Variants in MOV10L1 observed in about 807,000 individuals in gnomAD.
MOV10L1 encodes RNA helicase Mov10l1.
In MOV10L1, 110 loss-of-function variants were observed where a neutral mutation model predicts 143.8. The observed-to-expected ratio is 0.76, with a 90% CI of 0.66 to 0.90. The LOEUF (loss-of-function observed/expected upper bound fraction) is 0.90, where lower values mean the gene tolerates loss of function less well. Among genes scored for constraint, MOV10L1 ranks in the 40% least tolerant of loss-of-function variants. The probability of loss-of-function intolerance (pLI) is 0.00; values close to 1 mark genes in which losing one functional copy is unlikely to be tolerated. For missense variants in MOV10L1, 1,406 were observed against 1,526.8 expected (o/e 0.92, Z 1.32); for synonymous variants, 593 against 581.1 (o/e 1.02, Z -0.29).
At position 50,092,027 on chromosome 22, in the gene MOV10L1, G is replaced by A; in HGVS notation, c.124G>A (p.Gly42Ser). The change falls in exon 2 of 27, where the codon GGT (glycine) becomes AGT (serine). Residue 42 changes from glycine to serine, a missense_variant. Transcript: ENST00000262794. ...TGACACTAAGCTGAAAACTGTACGG[G>A]GTGTCGTGACAAGGTACTGCAGCGA... ...EGDTKLKTVR[G>S]VVTRYCSDYG... is the part of the protein sequence containing the mutation. 1 of 1,613,954 alleles carries A rather than the reference G, an allele frequency of 6.2e-7. No individual in the cohort carries two copies. The highest frequency in any genetic ancestry group is 8.5e-7 in the Non-Finnish European group (1 of 1,179,958).
At chr22:50,144,585 T>TG (rs2063085377) in intron 18 of MOV10L1, among the ~76,000 whole-genome samples, 1 of 140,268 alleles carries the variant, frequency 7.1e-6, no homozygotes, top group Non-Finnish European at 1.6e-5. Context: ...TTGTTTTGTT[T>TG]TGTTTTTTTT....
chr22:50,157,801 C>G (rs2063464742), intron 22 of MOV10L1, among the ~76,000 whole-genome samples: 1 of 151,352 alleles, frequency 6.6e-6, no homozygotes, highest in Admixed American at 6.6e-5. Flanking sequence ...TACCAGCCAG[C>G]CCTCCACTCC....
chr22:50,148,717 G>A (rs1243888223), intron 19 of MOV10L1, among the ~76,000 whole-genome samples: 3 of 150,258 alleles, frequency 2.0e-5, no homozygotes, highest in Admixed American at 6.6e-5. Flanking sequence ...AAGCTGGAGT[G>A]CAGTGGCGCG....
chr22:50,146,347 CGGA>C (rs1324384955), intron 19 of MOV10L1, among the ~76,000 whole-genome samples: 1 of 151,830 alleles, frequency 6.6e-6, no homozygotes, highest in Non-Finnish European at 1.5e-5. Flanking sequence ...GGGAGACAGG[CGGA>C]GGAGATGGAT....
intron 2 of MOV10L1, chr22:50,094,402 T>G (rs1365644663): frequency 6.8e-6 from 1 of 147,378 alleles, no homozygotes; most frequent in African/African-American, 2.6e-5. Flanking sequence ...GCTTTCAATT[T>G]TTTTTTTTTT....
intron 15 of MOV10L1, among the ~76,000 whole-genome samples, chr22:50,135,272 A>G (rs1182917847): frequency 2.0e-5 from 3 of 151,220 alleles, no homozygotes; most frequent in Non-Finnish European, 1.5e-5. Context: ...TCGGCCTCCC[A>G]AAGTGCTGGA....
chr22:50,118,330 G>A (rs2062239585), intron 9 of MOV10L1, among the ~76,000 whole-genome samples: 1 of 151,960 alleles, frequency 6.6e-6, no homozygotes, highest in African/African-American at 2.4e-5. Context: ...TCCCTGCCTC[G>A]TGTGGTTTGA....
At chr22:50,094,659 A>G (rs1410347153) in intron 2 of MOV10L1, 4 of 152,174 alleles carry the variant, frequency 2.6e-5, no homozygotes, top group African/African-American at 9.7e-5. Context: ...CGGCCTCCCA[A>G]AGTGCCGGGA....
chr22:50,108,449 A>G, intron 4 of MOV10L1: 3 of 752,562 alleles, frequency 4.0e-6, no homozygotes, highest in Non-Finnish European at 6.9e-6. Flanking sequence ...GCATACCTGA[A>G]TTCTAAGGTC....
intron 24 of MOV10L1, 100 bp from the exon 25 acceptor site, chr22:50,160,588 G>C: frequency 7.0e-7 from 1 of 1,423,452 alleles, no homozygotes. Flanking sequence ...AGGTCATTCT[G>C]CTATTTAACA....
At chr22:50,146,853 G>A in intron 19 of MOV10L1, 1 of 540,962 alleles carries the variant, frequency 1.8e-6, no homozygotes, top group South Asian at 2.0e-5. Context: ...GAGATTAGTA[G>A]AACGTGATTG....
chr22:50,098,067 C>T (rs2062634820), intron 2 of MOV10L1, among the ~76,000 whole-genome samples: 1 of 151,980 alleles, frequency 6.6e-6, no homozygotes, highest in South Asian at 2.1e-4. Flanking sequence ...GAACTCCTGA[C>T]CTCAAGTGAT....
chr22:50,146,644 C>G (rs185084022), intron 19 of MOV10L1, among the ~76,000 whole-genome samples: 1 of 152,004 alleles, frequency 6.6e-6, no homozygotes, highest in Admixed American at 6.5e-5. Context: ...TCACAGTGGT[C>G]GTGACCCTCC....
chr22:50,127,567 T>C (rs549455357), intron 12 of MOV10L1, among the ~76,000 whole-genome samples: 1 of 152,292 alleles, frequency 6.6e-6, no homozygotes, highest in African/African-American at 2.4e-5. Flanking sequence ...TCTGCTGGTG[T>C]CAGCCCTGAC....
intron 10 of MOV10L1, among the ~76,000 whole-genome samples, chr22:50,121,613 C>T (rs891148190): frequency 6.6e-5 from 10 of 152,324 alleles, no homozygotes; most frequent in Admixed American, 2.6e-4. Flanking sequence ...TGCCATGAGT[C>T]GCGAGCGCAG....
intron 20 of MOV10L1, among the ~76,000 whole-genome samples, chr22:50,150,347 C>T (rs141550141): frequency 1.8e-4 from 28 of 152,276 alleles, no homozygotes; most frequent in Non-Finnish European, 2.9e-4. Context: ...CGGCATAGGG[C>T]GGCCTGACCA....
chr22:50,096,699 T>A (rs1439203019), intron 2 of MOV10L1, among the ~76,000 whole-genome samples: 2 of 152,202 alleles, frequency 1.3e-5, no homozygotes, highest in Non-Finnish European at 2.9e-5. Context: ...TGAGGTAGTA[T>A]CTCACTGTGG....
intron 3 of MOV10L1, among the ~76,000 whole-genome samples, chr22:50,101,103 G>A (rs756600714): frequency 3.3e-5 from 5 of 152,172 alleles, no homozygotes; most frequent in Non-Finnish European, 5.9e-5. Context: ...CCTGTTGGAA[G>A]ATGAATAGAA....
At chr22:50,129,250 C>G (rs1297630802) in intron 13 of MOV10L1, among the ~76,000 whole-genome samples, 2 of 152,204 alleles carry the variant, frequency 1.3e-5, no homozygotes, top group Non-Finnish European at 2.9e-5. Flanking sequence ...CTACCAGCTC[C>G]TTACTTTTAT....
Sources: allele counts gnomAD v4.1 joint callset (sites outside exome capture counted in the v4.1 genomes callset), GRCh38; gene constraint gnomAD v4.1.1; transcripts MANE v1.5; gene names NCBI Gene and HGNC (gene_info 2026-07-23, HGNC 2026-07-21).